CPNE3: variants seen among roughly 807,000 people sequenced by gnomAD.
The protein encoded by CPNE3 is copine-3.
Under a neutral mutation model 63.9 loss-of-function variants are expected in CPNE3, and 68 were observed. The observed-to-expected ratio is 1.06, with a 90% CI of 0.87 to 1.30. CPNE3 has a LOEUF of 1.30. Among genes scored for constraint, CPNE3 ranks in the 50% most tolerant of loss-of-function variants. CPNE3 has a pLI of 0.00. For synonymous variants in CPNE3, 219 were observed against 197.5 expected (o/e 1.11, Z -0.91); for missense variants, 665 against 578.1 (o/e 1.15, Z -1.54).
At chr8:86,545,663 G>A (rs1323609387) in intron 9 of CPNE3, among the ~76,000 whole-genome samples, 7 of 152,108 alleles carry the variant, frequency 4.6e-5, no homozygotes. Context: ...TATACCACGT[G>A]TATTTTTTAG....
intron 9 of CPNE3, among the ~76,000 whole-genome samples, chr8:86,545,728 T>G (rs2131479542): frequency 6.6e-6 from 1 of 152,346 alleles, no homozygotes; most frequent in African/African-American, 2.4e-5. Flanking sequence ...AGTGGCTTTG[T>G]GTTAACCAGA....
intron 8 of CPNE3, among the ~76,000 whole-genome samples, chr8:86,542,552 T>G (rs1820963389): frequency 6.6e-6 from 1 of 151,800 alleles, no homozygotes; most frequent in South Asian, 2.1e-4. Flanking sequence ...TATATGCATG[T>G]GTATATGTAT....
intron 8 of CPNE3, among the ~76,000 whole-genome samples, chr8:86,543,662 A>C (rs1820990990): frequency 6.6e-6 from 1 of 152,164 alleles, no homozygotes; most frequent in Non-Finnish European, 1.5e-5. Context: ...CCGTCTTCTA[A>C]GACTTTTTAT....
In CPNE3 at chr8:86,551,023, A is replaced by G. The variant is rs150312847; in HGVS notation, c.1014-23A>G. The G allele has an allele frequency of 1.7e-4, 266 of 1,538,880 alleles. No homozygotes were observed. In the African/African-American group the frequency reaches 3.3e-3, roughly 19 times the overall value. Reference sequence around the variant, plus strand: ...TTTATTTTGGAAAAAACAGTATTTTATTAAATATTTTTTTCTTTTTAGTGA... The same window carrying G: ...TTTATTTTGGAAAAAACAGTATTTTGTTAAATATTTTTTTCTTTTTAGTGA... On this transcript the variant is annotated intron_variant, in intron 12 of 16. Transcript: ENST00000517490.
chr8:86,558,404 G>T lies in CPNE3; in HGVS notation c.1608G>T (p.Lys536Asn). 1 of 872,944 alleles carries T rather than the reference G, an allele frequency of 1.1e-6. No homozygotes were observed. Among genetic ancestry groups the T allele is most frequent in the Non-Finnish European group, 2.0e-6 (1 of 501,654 alleles). The allele number at this position is 872,944 out of a possible 1,614,324, so 54.1% of individuals were successfully genotyped here. Residue 536 changes from lysine (K) to asparagine (N), a missense_variant, in exon 17 of 17, where the codon AAG becomes AAT. Coordinates refer to ENST00000517490, the MANE Select transcript of CPNE3 (RefSeq NM_003909.5). Reference protein sequence around the residue: ...PPKNPATKQQKQ With the variant: ...PPKNPATKQQNQ ...AGAACCCAGCCACGAAACAACAGAA[G>T]CAGTGACCACTTCAACAGAATTCTT...
chr8:86,554,271 C>T (rs1291145795), intron 14 of CPNE3: 1 of 152,368 alleles, frequency 6.6e-6, no homozygotes, highest in Non-Finnish European at 1.5e-5. Context: ...TAAACAAACA[C>T]ATCAGTGCTT....
intron 10 of CPNE3, 128 bp from the exon 11 acceptor site, chr8:86,547,583 A>AG (rs1821080425): frequency 6.4e-6 from 4 of 628,602 alleles, no homozygotes; most frequent in Non-Finnish European, 1.1e-5. Context: ...ACCTGAATGC[A>AG]GGGGTAATTT....
chr8:86,534,867 A>G lies in CPNE3; in HGVS notation c.459+2287A>G, dbSNP rs922377301. On this transcript the variant is annotated intron_variant, in intron 6 of 16. Transcript: ENST00000517490. ...CAAAATTATAAGTTGGTTCCCTAGC[A>G]TCCACTAAATGTGACCAGTGAAGTT... 2.6e-5 allele frequency among the ~76,000 whole-genome samples: 4 copies of G among 152,326 alleles called. No homozygotes were observed. The East Asian group carries it at 7.7e-4, about 29-fold the overall frequency.
chr8:86,528,858 T>G, intron 3 of CPNE3, 87 bp from the exon 4 acceptor site: 1 of 1,333,486 alleles, frequency 7.5e-7, no homozygotes, highest in Non-Finnish European at 1.0e-6. Context: ...TTGTCATGCC[T>G]ATGTTTATGT....
intron 2 of CPNE3, among the ~76,000 whole-genome samples, chr8:86,516,400 T>TA (rs1428415336): frequency 2.0e-5 from 3 of 152,208 alleles, no homozygotes; most frequent in Non-Finnish European, 4.4e-5. Context: ...CATTTTCATA[T>TA]AAGTTTATGG....
rs1156305916 is a variant in CPNE3, at chr8:86,559,880, G to A, written c.*1470G>A. 6.6e-6 allele frequency: 1 copy of A among 152,144 alleles called. No homozygotes were observed. Among genetic ancestry groups the A allele is most frequent in the Admixed American group, 6.6e-5 (1 of 15,266 alleles). The allele number at this position is 152,144 out of a possible 1,614,324, so 9.4% of individuals were successfully genotyped here. A position where few individuals can be genotyped will look rare whatever the true frequency, so the allele number is the denominator to read the frequency against. ...TGTTGATGTGCCTCTCAGTTTTATT[G>A]AAAAGCTGCCCCACAGCCCATGTCT... On this transcript the variant is annotated 3_prime_UTR_variant, in exon 17 of 17. Transcript: ENST00000517490.
At chr8:86,557,576 A>T (rs777262453) in intron 16 of CPNE3, among the ~76,000 whole-genome samples, 1 of 152,234 alleles carries the variant, frequency 6.6e-6, no homozygotes, top group Non-Finnish European at 1.5e-5. Flanking sequence ...TATATCATTT[A>T]ACATTCCCAC....
intron 16 of CPNE3, among the ~76,000 whole-genome samples, chr8:86,556,910 C>T (rs1821337956): frequency 6.6e-6 from 1 of 152,140 alleles, no homozygotes; most frequent in African/African-American, 2.4e-5. Flanking sequence ...TAAATGGAAT[C>T]GTACAATATA....
chr8:86,557,141 GTTGT>G (rs1289560709), intron 16 of CPNE3, among the ~76,000 whole-genome samples: 11 of 151,998 alleles, frequency 7.2e-5, no homozygotes, highest in Admixed American at 3.9e-4. Context: ...TGTTGTTGTT[GTTGT>G]TTGTTTGTTT....
In CPNE3 at chr8:86,540,287, A is replaced by G; in HGVS notation, c.586A>G (p.Ile196Val). ...NLNPVWRPFK[I>V]SLNSLCYGDM... ...GAATCCTGTTTGGAGGCCTTTCAAG[A>G]TCTCTCTTAACTCACTGTGTTACGG... Residue 196 changes from isoleucine to valine, a missense_variant, in exon 8 of 17, where the codon ATC (isoleucine) becomes GTC (valine). Ile to Val is a conservative substitution (Grantham distance 29, BLOSUM62 3). Transcript: ENST00000517490. The G allele has an allele frequency of 6.2e-7, 1 of 1,609,652 alleles. No homozygotes were observed. The highest frequency in any genetic ancestry group is 8.5e-7 in the Non-Finnish European group (1 of 1,177,966).
intron 8 of CPNE3, among the ~76,000 whole-genome samples, chr8:86,541,699 G>T (rs1220650382): frequency 1.5e-5 from 2 of 136,414 alleles, no homozygotes; most frequent in Admixed American, 7.4e-5. Context: ...GAGTGAGACC[G>T]TGTCTTAAAA....
Position 86,546,444 on chromosome 8 carries a change from A to T in CPNE3, c.733-151A>T, listed in dbSNP as rs1006305577. The T allele has an allele frequency of 1.7e-5, 12 of 695,220 alleles. No individual in the cohort carries two copies. The Admixed American group carries it at 3.5e-4, about 21-fold the overall frequency. The allele number at this position is 695,220 out of a possible 1,614,324, so 43.1% of individuals were successfully genotyped here. A position where few individuals can be genotyped will look rare whatever the true frequency, so the allele number is the denominator to read the frequency against. On this transcript the variant is annotated intron_variant, in intron 9 of 16. Transcript: ENST00000517490. ...GATAAATATTCCACATACTTAACATATTATGTAATTGTTTCAGAGTTATAT... is the reference window on the plus strand; with the variant it reads ...GATAAATATTCCACATACTTAACATTTTATGTAATTGTTTCAGAGTTATAT...
chr8:86,534,009 C>G (rs941871598), intron 6 of CPNE3, among the ~76,000 whole-genome samples: 1 of 152,018 alleles, frequency 6.6e-6, no homozygotes, highest in African/African-American at 2.4e-5. Flanking sequence ...ACCTGTAGTC[C>G]CAGCTACTCA....
intron 6 of CPNE3, among the ~76,000 whole-genome samples, chr8:86,532,976 A>C (rs1164989784): frequency 6.6e-6 from 1 of 152,190 alleles, no homozygotes; most frequent in Non-Finnish European, 1.5e-5. Context: ...ACATAATAAC[A>C]CAACAATTTA....
Sources: allele counts gnomAD v4.1 joint callset (sites outside exome capture counted in the v4.1 genomes callset), GRCh38; gene constraint gnomAD v4.1.1; transcripts MANE v1.5; gene names NCBI Gene and HGNC (gene_info 2026-07-23, HGNC 2026-07-21).